TTLL4: variants seen among roughly 807,000 people sequenced by gnomAD.
TTLL4 encodes tubulin tyrosine ligase like 4.
TTLL4 carries 85 observed loss-of-function variants against 122.7 expected under a neutral mutation model. That is an observed-to-expected ratio of 0.69 (90% CI 0.58 to 0.83). The LOEUF is 0.83. Among genes scored for constraint, TTLL4 ranks in the 40% least tolerant of loss-of-function variants. The probability of loss-of-function intolerance (pLI) is 0.00; values close to 1 mark genes in which losing one functional copy is unlikely to be tolerated. For missense variants in TTLL4, 1,363 were observed against 1,488.6 expected, an observed-to-expected ratio of 0.92 and a Z score of 1.39; for synonymous variants, 553 against 563.0, an observed-to-expected ratio of 0.98 and a Z score of 0.25.
chr2:218,732,096 G>C (rs1942397581), intron 2 of TTLL4, among the ~76,000 whole-genome samples: 1 of 152,180 alleles, frequency 6.6e-6, no homozygotes, highest in African/African-American at 2.4e-5. Context: ...GCTGATTGGA[G>C]GGTCAGCTGA....
At position 218,747,730 on chromosome 2, in the gene TTLL4, G is replaced by A; in HGVS notation, c.2378+5G>A. ...GGTCCGCTTTGCCAGTTGCAAGTAT[G>A]TGACAGTGGTGAGGTATCCTCTGAC... On this transcript the variant is annotated splice_donor_5th_base_variant and intron_variant, in intron 11 of 19. Coordinates refer to ENST00000392102, the MANE Select transcript of TTLL4 (RefSeq NM_014640.5). The surrounding 1 kb of genome is among the most constrained non-coding windows in gnomAD (Gnocchi z 4.7). 1.2e-6 allele frequency: 2 copies of A among 1,614,194 alleles called. No individual in the cohort carries two copies. The highest frequency in any genetic ancestry group is 1.7e-6 in the Non-Finnish European group (2 of 1,180,030).
At chr2:218,731,428 T>A (rs62191628) in intron 2 of TTLL4, among the ~76,000 whole-genome samples, 17 of 152,016 alleles carry the variant, frequency 1.1e-4, no homozygotes, top group Non-Finnish European at 1.9e-4. Context: ...AAAAAAAATT[T>A]CACAAAAGCT....
At chr2:218,749,734 TG>T (rs1340407646) in intron 14 of TTLL4, among the ~76,000 whole-genome samples, 2 of 152,198 alleles carry the variant, frequency 1.3e-5, no homozygotes, top group African/African-American at 4.8e-5. Flanking sequence ...CCCAAAGTGC[TG>T]GGATTACAGA....
rs1436703711 is a variant in TTLL4, at chr2:218,747,669, C to T, written c.2322C>T (p.Tyr774=). ...GGATCTATGTTTATGTCACTTCCTA[C>T]GATCCTCTGCGGATTTACCTCTTTT... ...DLRIYVYVTS[Y]DPLRIYLFSD... The change falls in exon 11 of 20, where the codon TAC becomes TAT. Residue 774 remains tyrosine (Y), a synonymous_variant. Coordinates refer to ENST00000392102, the MANE Select transcript of TTLL4 (RefSeq NM_014640.5). This position sits in a 1 kb window ranked among gnomAD's most constrained non-coding sequence, Gnocchi z 4.7. 1.9e-6 allele frequency: 3 copies of T among 1,614,226 alleles called. No individual in the cohort carries two copies. The highest frequency in any genetic ancestry group is 2.5e-6 in the Non-Finnish European group (3 of 1,180,044).
In TTLL4 at chr2:218,747,793, C is replaced by G; in HGVS notation, c.2378+68C>G. The stretch of plus-strand genomic sequence containing the variant: ...TTTATTTTCCTTGGAGGGAGGGAAA[C>G]TAGAAGACACCAAACAGAAAAATAG... On this transcript the variant is annotated intron_variant, in intron 11 of 19. Transcript: ENST00000392102. This position sits in a 1 kb window ranked among gnomAD's most constrained non-coding sequence, Gnocchi z 4.7. 1 of 1,587,510 alleles carries G rather than the reference C, an allele frequency of 6.3e-7. No homozygotes were observed. Among genetic ancestry groups the G allele is most frequent in the Non-Finnish European group, 8.6e-7 (1 of 1,163,568 alleles).
chr2:218,739,242 C>T, intron 3 of TTLL4, 79 bp downstream of exon 3: 1 of 1,483,194 alleles, frequency 6.7e-7, no homozygotes, highest in Non-Finnish European at 8.9e-7. Flanking sequence ...GACCCTGTAC[C>T]TCTGAAGGTT....
Position 218,724,244 on chromosome 2 carries a change from A to T in TTLL4, c.-177-3025A>T, listed in dbSNP as rs199688368. 1.5e-4 allele frequency among the ~76,000 whole-genome samples: 23 copies of T among 152,308 alleles called. 1 individual carries two copies. The highest frequency in any genetic ancestry group is 6.2e-4 in the South Asian group (3 of 4,822). On this transcript the variant is annotated intron_variant, in intron 1 of 19. Transcript: ENST00000392102. Reference sequence around the variant, plus strand: ...GAGATAATTGCAAAATTAAAAAAAAATTTTTTTAAACCTCATTACTACTTA... The same window carrying T: ...GAGATAATTGCAAAATTAAAAAAAATTTTTTTTAAACCTCATTACTACTTA...
At chr2:218,733,329 G>A (rs1224156787) in intron 2 of TTLL4, among the ~76,000 whole-genome samples, 1 of 152,170 alleles carries the variant, frequency 6.6e-6, no homozygotes, top group Non-Finnish European at 1.5e-5. Context: ...TGGCTGCGGA[G>A]GCCTCAGGAA....
chr2:218,729,759 A>G (rs60068199), intron 2 of TTLL4, among the ~76,000 whole-genome samples: 1 of 132,026 alleles, frequency 7.6e-6, no homozygotes, highest in African/African-American at 2.8e-5. Flanking sequence ...AAAAAAAAAA[A>G]AAACAAAAAA....
At chr2:218,729,759 A>AAC (rs1553608232) in intron 2 of TTLL4, among the ~76,000 whole-genome samples, 5,116 of 132,014 alleles carry the variant, frequency 0.039, 293 homozygotes, top group African/African-American at 0.14. Flanking sequence ...AAAAAAAAAA[A>AAC]AAACAAAAAA....
chr2:218,749,025 A>G lies in TTLL4; in HGVS notation c.2600+91A>G, dbSNP rs1051139756. On this transcript the variant is annotated intron_variant, in intron 13 of 19. Coordinates refer to ENST00000392102, the MANE Select transcript of TTLL4 (RefSeq NM_014640.5). ...CACTGCTGTGCTCTGGACTTTGGCC[A>G]TGCTGTGGTTTGGTTTTAAGGACAG... 12 of 1,447,882 alleles carry G rather than the reference A, an allele frequency of 8.3e-6. No individual in the cohort carries two copies. In the Admixed American group the frequency reaches 1.7e-4, roughly 21 times the overall value. 89.7% of individuals were successfully genotyped at this position (1,447,882 alleles called of 1,614,324 possible).
At chr2:218,745,284 G>A (rs746583685) in intron 6 of TTLL4, 51 bp downstream of exon 6, 2 of 1,610,652 alleles carry the variant, frequency 1.2e-6, no homozygotes, top group South Asian at 1.1e-5. Context: ...GGAGAAGGTT[G>A]CTAGCTAAGT....
rs188159897 is a variant in TTLL4, at chr2:218,751,960, T to C, written c.2976+154T>C. On this transcript the variant is annotated intron_variant, in intron 16 of 19. Coordinates refer to ENST00000392102, the MANE Select transcript of TTLL4 (RefSeq NM_014640.5). The stretch of plus-strand genomic sequence containing the variant: ...TTCACTCTTGTTGCCCAGGCTGGAG[T>C]GCAATGGTGCGATCTCAGCTCACTG... 3.3e-3 allele frequency among the ~76,000 whole-genome samples: 454 copies of C among 138,490 alleles called. 1 individual carries two copies. The highest frequency in any genetic ancestry group is 0.012 in the African/African-American group (433 of 36,858). 90.9% of individuals were successfully genotyped at this position (138,490 alleles called of 152,430 possible).
chr2:218,748,267 A>G, intron 12 of TTLL4, 40 bp downstream of exon 12: 1 of 1,612,422 alleles, frequency 6.2e-7, no homozygotes, highest in Non-Finnish European at 8.5e-7. Flanking sequence ...GAAGGCCTAG[A>G]GGAATACAGG....
chr2:218,749,467 C>CT (rs368058156), intron 14 of TTLL4, 80 bp downstream of exon 14: 218,293 of 1,189,244 alleles, frequency 0.18, 2 homozygotes, highest in Non-Finnish European at 0.2. Context: ...GTAAGTTGTT[C>CT]TTTTTTTTTT....
chr2:218,752,842 G>A lies in TTLL4; in HGVS notation c.3056G>A (p.Arg1019His), dbSNP rs138929410. The stretch of plus-strand genomic sequence containing the variant: ...GTTGAGATGGAAGATGAGTTTTCTC[G>A]CCGTGGTCAGTTTGAACGAATTTTT... The part of the protein sequence containing the change: ...ILVEMEDEFS[R>H]RGQFERIFPS... The change falls in exon 17 of 20, where the codon CGC (arginine) becomes CAC (histidine). Residue 1019 changes from arginine to histidine, a missense_variant. Physicochemically the swap from Arg to His is conservative, Grantham distance 29. Around this residue, in one of 3 missense-constraint regions of TTLL4, gnomAD observed 596 missense variants for 655.8 expected, o/e 0.91. Coordinates refer to ENST00000392102, the MANE Select transcript of TTLL4 (RefSeq NM_014640.5). 5.6e-6 allele frequency: 9 copies of A among 1,613,988 alleles called. No homozygotes were observed. The highest frequency in any genetic ancestry group is 1.1e-5 in the South Asian group (1 of 91,078).
intron 2 of TTLL4, among the ~76,000 whole-genome samples, chr2:218,734,360 G>A (rs1942458927): frequency 6.6e-6 from 1 of 152,166 alleles, no homozygotes. Flanking sequence ...AGAATATTGA[G>A]CACTTCCTGT....
At chr2:218,733,580 AG>A (rs1942437854) in intron 2 of TTLL4, among the ~76,000 whole-genome samples, 1 of 152,194 alleles carries the variant, frequency 6.6e-6, no homozygotes, top group Non-Finnish European at 1.5e-5. Context: ...GGACTATGAG[AG>A]GAGACAAGAA....
intron 5 of TTLL4, among the ~76,000 whole-genome samples, chr2:218,743,836 T>C (rs1429981296): frequency 8.5e-5 from 13 of 152,210 alleles, no homozygotes; most frequent in Non-Finnish European, 5.9e-5. Flanking sequence ...TGCGCCACCA[T>C]GCCTGGCTAA....
Sources: gnomAD v4.1 joint callset for allele counts (sites outside exome capture counted in the v4.1 genomes callset) on GRCh38, gnomAD v4.1.1 for gene constraint, gnomAD v4.1.1 regional missense constraint, Gnocchi (gnomAD v3.1) non-coding constraint, MANE v1.5 for transcripts, NCBI Gene and HGNC (gene_info 2026-07-23, HGNC 2026-07-21) for gene names.